The following VWC2L variants were observed in gnomAD, a reference collection of about 807,000 sequenced individuals.
The protein encoded by VWC2L is von Willebrand factor C domain containing 2 like, also known as von Willebrand factor C domain-containing protein 2-like.
In VWC2L, 10 loss-of-function variants were observed where a neutral mutation model predicts 21.6. That is an observed-to-expected ratio of 0.46 (90% CI 0.29 to 0.78). The LOEUF (loss-of-function observed/expected upper bound fraction) is 0.78, where lower values mean the gene tolerates loss of function less well. Among genes scored for constraint, VWC2L ranks in the 30% least tolerant of loss-of-function variants. The pLI is 0.10. For synonymous variants in VWC2L, 96 were observed against 94.3 expected (o/e 1.02, Z -0.10); for missense variants, 209 against 277.1 (o/e 0.75, Z 1.74).
chr2:214,518,107 A>G (rs977331626), intron 3 of VWC2L, among the ~76,000 whole-genome samples: 1 of 152,112 alleles, frequency 6.6e-6, no homozygotes, highest in Non-Finnish European at 1.5e-5. Context: ...CCGAGCTTGC[A>G]GTGAGCCAAG....
At chr2:214,534,081 A>G (rs191587656) in intron 3 of VWC2L, 42 of 152,642 alleles carry the variant, frequency 2.8e-4, no homozygotes, top group African/African-American at 1.0e-3. Context: ...AAAGTTTCAC[A>G]GAAGGGACAT....
At chr2:214,428,208 ATAGTT>A (rs1702553509) in intron 2 of VWC2L, among the ~76,000 whole-genome samples, 1 of 152,200 alleles carries the variant, frequency 6.6e-6, no homozygotes, top group Non-Finnish European at 1.5e-5. Flanking sequence ...CACATATTAT[ATAGTT>A]TAGTCTCAAA....
At chr2:214,509,423 A>T (rs1408877518) in intron 3 of VWC2L, among the ~76,000 whole-genome samples, 2 of 151,734 alleles carry the variant, frequency 1.3e-5, no homozygotes, top group African/African-American at 4.8e-5. Flanking sequence ...ACCCCAAGAC[A>T]GAATTTTTTT....
chr2:214,567,152 A>G (rs1291563348), intron 3 of VWC2L, among the ~76,000 whole-genome samples: 3 of 152,206 alleles, frequency 2.0e-5, no homozygotes, highest in South Asian at 2.1e-4. Context: ...AAGGCCAAAA[A>G]TTGCTATACT....
At chr2:214,525,449 A>C (rs193126504) in intron 3 of VWC2L, 2 of 152,210 alleles carry the variant, frequency 1.3e-5, no homozygotes, top group African/African-American at 2.4e-5. Flanking sequence ...TCCAGAGTCA[A>C]TAAGTTTGGG....
chr2:214,418,985 C>G (rs865930702), intron 2 of VWC2L, among the ~76,000 whole-genome samples: 2 of 152,218 alleles, frequency 1.3e-5, no homozygotes, highest in Non-Finnish European at 1.5e-5. Flanking sequence ...TCACCCTATG[C>G]AGTTGCAAAT....
intron 3 of VWC2L, among the ~76,000 whole-genome samples, chr2:214,476,703 T>A (rs1357034299): frequency 6.6e-6 from 1 of 152,186 alleles, no homozygotes; most frequent in Non-Finnish European, 1.5e-5. Flanking sequence ...TCAGTGAATT[T>A]TGAACAGAAA....
At chr2:214,489,813 T>G (rs1688721207) in intron 3 of VWC2L, among the ~76,000 whole-genome samples, 2 of 152,172 alleles carry the variant, frequency 1.3e-5, no homozygotes, top group South Asian at 4.1e-4. Context: ...TCTGCTCCAG[T>G]TAGTTATTTA....
At chr2:214,566,369 C>T (rs147081777) in intron 3 of VWC2L, among the ~76,000 whole-genome samples, 1 of 152,248 alleles carries the variant, frequency 6.6e-6, no homozygotes, top group Non-Finnish European at 1.5e-5. Context: ...TCCTTCCTCT[C>T]TTCACGCCAG....
chr2:214,506,308 A>G (rs1210073032), intron 3 of VWC2L, among the ~76,000 whole-genome samples: 2 of 152,176 alleles, frequency 1.3e-5, no homozygotes, highest in Non-Finnish European at 1.5e-5. Flanking sequence ...ATACAAAAAT[A>G]CCAATGAAGG....
chr2:214,555,806 T>A (rs1689864442), intron 3 of VWC2L, among the ~76,000 whole-genome samples: 2 of 152,224 alleles, frequency 1.3e-5, no homozygotes, highest in African/African-American at 4.8e-5. Context: ...CTCATTAGTG[T>A]ATGAAGCTGT....
At chr2:214,436,579 C>A (rs138446636) in intron 2 of VWC2L, 50 bp from the exon 3 acceptor site, 10 of 1,600,776 alleles carry the variant, frequency 6.2e-6, no homozygotes, top group Non-Finnish European at 7.7e-6. Flanking sequence ...TATGAATGTG[C>A]AAGCATTAAG....
At chr2:214,536,832 C>T (rs1242247963) in intron 3 of VWC2L, 1 of 151,984 alleles carries the variant, frequency 6.6e-6, no homozygotes, top group Non-Finnish European at 1.5e-5. Context: ...AACTCATGCC[C>T]TAGCATTCTT....
chr2:214,467,953 C>G (rs1486111143), intron 3 of VWC2L, among the ~76,000 whole-genome samples: 1 of 152,024 alleles, frequency 6.6e-6, no homozygotes, highest in East Asian at 1.9e-4. Context: ...AGAGACCAGC[C>G]TGGGCAACAT....
intron 3 of VWC2L, among the ~76,000 whole-genome samples, chr2:214,523,965 G>A (rs750295670): frequency 2.6e-5 from 4 of 152,036 alleles, no homozygotes; most frequent in Admixed American, 6.6e-5. Context: ...TAACTATGAC[G>A]TGTAATGTGA....
chr2:214,439,766 T>G (rs1702736968), intron 3 of VWC2L, among the ~76,000 whole-genome samples: 1 of 151,848 alleles, frequency 6.6e-6, no homozygotes, highest in African/African-American at 2.4e-5. Flanking sequence ...CCTAACCTTA[T>G]AACTCAACAT....
intron 3 of VWC2L, among the ~76,000 whole-genome samples, chr2:214,547,052 G>A (rs1348805779): frequency 6.6e-6 from 1 of 152,152 alleles, no homozygotes; most frequent in Non-Finnish European, 1.5e-5. Context: ...AGAGAGCAAA[G>A]TACAAGGATG....
chr2:214,419,764 G>C (rs1395534452), intron 2 of VWC2L, among the ~76,000 whole-genome samples: 1 of 152,138 alleles, frequency 6.6e-6, no homozygotes, highest in African/African-American at 2.4e-5. Flanking sequence ...TTATGGGTTT[G>C]TTGTTGCTTT....
At position 214,577,958 on chromosome 2, in the gene VWC2L, C is replaced by T. The variant is rs1049088071; in HGVS notation, c.*2138C>T. 2.0e-5 allele frequency: 3 copies of T among 152,126 alleles called. No individual in the cohort carries two copies. Among genetic ancestry groups the T allele is most frequent in the African/African-American group, 7.2e-5 (3 of 41,432 alleles). 9.4% of individuals were successfully genotyped at this position (152,126 alleles called of 1,614,324 possible). A position where few individuals can be genotyped will look rare whatever the true frequency, so the allele number is the denominator to read the frequency against. The stretch of plus-strand genomic sequence containing the variant: ...TGCCTTTCATTTGCCACCATGGATA[C>T]ATCATATAGACAGTCATGAATCATT... On this transcript the variant is annotated 3_prime_UTR_variant, in exon 4 of 4. Coordinates refer to ENST00000312504, the MANE Select transcript of VWC2L (RefSeq NM_001080500.4).
Sources: allele counts gnomAD v4.1 joint callset (sites outside exome capture counted in the v4.1 genomes callset), GRCh38; gene constraint gnomAD v4.1.1; transcripts MANE v1.5; gene names NCBI Gene and HGNC (gene_info 2026-07-23, HGNC 2026-07-21).